KBTBD2: variants seen among roughly 807,000 people sequenced by gnomAD.
KBTBD2 encodes the protein kelch repeat and BTB domain containing 2.
In KBTBD2, 17 loss-of-function variants were observed where a neutral mutation model predicts 57.1. The ratio of observed to expected loss-of-function variants is 0.30; its 90% CI spans 0.20 to 0.45. The LOEUF (loss-of-function observed/expected upper bound fraction) is 0.45. Ranked by LOEUF, KBTBD2 falls within the 20% of genes least tolerant of loss-of-function variation. KBTBD2 has a pLI of 1.00. For synonymous variants in KBTBD2, 267 were observed against 262.7 expected, an observed-to-expected ratio of 1.02 and a Z score of -0.16; for missense variants, 515 against 750.6, an observed-to-expected ratio of 0.69 and a Z score of 3.67.
At chr7:32,886,056 G>A (rs113614936) in intron 1 of KBTBD2, among the ~76,000 whole-genome samples, 3 of 151,850 alleles carry the variant, frequency 2.0e-5, no homozygotes, top group Admixed American at 6.6e-5. Flanking sequence ...TTACAGGCAC[G>A]CACCACCATG....
intron 2 of KBTBD2, 75 bp from the exon 3 acceptor site, chr7:32,875,232 GA>G: frequency 7.8e-7 from 1 of 1,283,984 alleles, no homozygotes; most frequent in Non-Finnish European, 1.1e-6. Flanking sequence ...AGAACAATTA[GA>G]CAATAAGAGG....
intron 2 of KBTBD2, 141 bp downstream of exon 2, chr7:32,879,294 G>C (rs1411781531): frequency 5.1e-6 from 3 of 591,730 alleles, no homozygotes; most frequent in Non-Finnish European, 8.8e-6. Flanking sequence ...TCTTACACAT[G>C]CAAGAATGAG....
intron 2 of KBTBD2, among the ~76,000 whole-genome samples, chr7:32,877,140 T>A (rs1276900652): frequency 6.6e-6 from 1 of 151,588 alleles, no homozygotes; most frequent in Non-Finnish European, 1.5e-5. Context: ...TACTTCAGCA[T>A]CCCGAGTAGC....
chr7:32,875,028 A>G lies in KBTBD2; in HGVS notation c.300T>C (p.Thr100=), dbSNP rs1349299721. 1 of 1,614,076 alleles carries G rather than the reference A, an allele frequency of 6.2e-7. No individual in the cohort carries two copies. Among genetic ancestry groups the G allele is most frequent in the Non-Finnish European group, 8.5e-7 (1 of 1,180,004 alleles). The change falls in exon 3 of 4, where the codon ACT becomes ACC. Residue 100 remains threonine (T), a synonymous_variant. Transcript: ENST00000304056. ...AAGCTGTTTCATAAAGCTGTTCTAC[A>G]GTGCTGTCATTCATTGCCAAGTTAC... The part of the protein sequence containing the change: ...YTGNLAMNDS[T]VEQLYETACF...
rs762100375 is a variant in KBTBD2, at chr7:32,881,213, C to CA, written c.-338-1272dup. 3.6e-4 allele frequency among the ~76,000 whole-genome samples: 54 copies of CA among 148,382 alleles called. 1 individual carries two copies. The highest frequency in any genetic ancestry group is 1.3e-3 in the African/African-American group (52 of 40,280). On this transcript the variant is annotated intron_variant, in intron 1 of 3. Coordinates refer to ENST00000304056, the MANE Select transcript of KBTBD2 (RefSeq NM_015483.3). ...GGAAGTGGCTAACTGCTCAAGGGGG[C>CA]AAAAAAACCTAGGCTTTAGTCATAC... is the stretch of plus-strand genomic sequence containing the variant.
At chr7:32,888,120 A>C (rs182534022) in intron 1 of KBTBD2, among the ~76,000 whole-genome samples, 2 of 152,350 alleles carry the variant, frequency 1.3e-5, no homozygotes, top group East Asian at 3.9e-4. Context: ...ACATAAGAGA[A>C]ATCCAATGTT....
At chr7:32,886,439 C>T (rs1784583852) in intron 1 of KBTBD2, among the ~76,000 whole-genome samples, 1 of 152,202 alleles carries the variant, frequency 6.6e-6, no homozygotes, top group African/African-American at 2.4e-5. Flanking sequence ...TAGCAATCGA[C>T]AGTAACATAT....
At chr7:32,891,905 C>CCCGCCG (rs1302201471), upstream of KBTBD2, 3 of 140,254 alleles carry the variant, frequency 2.1e-5, no homozygotes, top group Non-Finnish European at 4.8e-5. Flanking sequence ...CGCCCCCGCC[C>CCCGCCG]CCGCCGCGCG....
intron 2 of KBTBD2, among the ~76,000 whole-genome samples, chr7:32,877,149 G>C (rs1453677299): frequency 6.7e-6 from 1 of 150,210 alleles, no homozygotes; most frequent in African/African-American, 2.5e-5. Flanking sequence ...ATCCCGAGTA[G>C]CTGGGATTAC....
chr7:32,869,390 T>G lies in KBTBD2; in HGVS notation c.1827A>C (p.Glu609Asp), dbSNP rs1286213166. ...PTYLFSTDGTEEFELDGEMVA... is the reference protein window; with the variant it reads ...PTYLFSTDGTDEFELDGEMVA... The stretch of plus-strand genomic sequence containing the variant: ...CCATTTCTCCATCCAGTTCAAACTC[T>G]TCTGTCCCATCCGTTGAAAAAAGAT... Residue 609 changes from glutamate (E) to aspartate (D), a missense_variant, in exon 4 of 4, where the codon GAA (glutamate) becomes GAC (aspartate). By Grantham distance (45) the Glu-to-Asp change is conservative. Coordinates refer to ENST00000304056, the MANE Select transcript of KBTBD2 (RefSeq NM_015483.3). The G allele has an allele frequency of 6.2e-7, 1 of 1,613,974 alleles. No homozygotes were observed. The highest frequency in any genetic ancestry group is 1.7e-5 in the Admixed American group (1 of 60,012).
chr7:32,885,383 T>C (rs1784552217), intron 1 of KBTBD2, among the ~76,000 whole-genome samples: 1 of 151,470 alleles, frequency 6.6e-6, no homozygotes. Flanking sequence ...ATCTTTTACC[T>C]AGTCACACAA....
chr7:32,880,336 A>G (rs1476174068), intron 1 of KBTBD2, among the ~76,000 whole-genome samples: 9 of 152,140 alleles, frequency 5.9e-5, no homozygotes, highest in Admixed American at 5.9e-4. Flanking sequence ...AAAAACAAAA[A>G]ACCTGCTCTC....
chr7:32,879,893 G>A lies in KBTBD2; in HGVS notation c.-289C>T, dbSNP rs1784405773. ...TCATGAGTGAAAGAGAAAAATACAC[G>A]AGGTAGATTTTGTGGCAACATCCTA... On this transcript the variant is annotated 5_prime_UTR_variant, in exon 2 of 4. Transcript: ENST00000304056. The A allele has an allele frequency of 3.3e-6, 1 of 298,976 alleles. No individual in the cohort carries two copies. Among genetic ancestry groups the A allele is most frequent in the African/African-American group, 2.2e-5 (1 of 44,928 alleles). 18.5% of individuals were successfully genotyped at this position (298,976 alleles called of 1,614,324 possible).
intron 3 of KBTBD2, among the ~76,000 whole-genome samples, chr7:32,874,010 C>T (rs1464312075): frequency 2.0e-5 from 3 of 152,064 alleles, no homozygotes; most frequent in Non-Finnish European, 4.4e-5. Context: ...TACCTGTAAT[C>T]CCAGGGCTTT....
intron 2 of KBTBD2, among the ~76,000 whole-genome samples, chr7:32,878,440 C>T (rs941754376): frequency 4.6e-5 from 7 of 151,884 alleles, no homozygotes; most frequent in African/African-American, 1.2e-4. Flanking sequence ...TTAGCCCAGG[C>T]GTGGTGGTGC....
chr7:32,872,304 G>T (rs1365788223), intron 3 of KBTBD2, among the ~76,000 whole-genome samples: 1 of 152,190 alleles, frequency 6.6e-6, no homozygotes, highest in Non-Finnish European at 1.5e-5. Flanking sequence ...GGAATTACTA[G>T]TGCACCAGCA....
Position 32,870,192 on chromosome 7 carries a change from G to A in KBTBD2, c.1025C>T (p.Thr342Ile). The change falls in exon 4 of 4, where the codon ACT becomes ATT. Residue 342 changes from threonine to isoleucine, a missense_variant. Coordinates refer to ENST00000304056, the MANE Select transcript of KBTBD2 (RefSeq NM_015483.3). Reference protein sequence around the residue: ...TNHSKTSKLQTAFRTVNCFYW... With the variant: ...TNHSKTSKLQIAFRTVNCFYW... ...AAAGCAATTCACAGTTCTGAAGGCA[G>A]TCTGAAGTTTGCTTGTTTTACTGTG... is the stretch of plus-strand genomic sequence containing the variant. 6.2e-7 allele frequency: 1 copy of A among 1,614,198 alleles called. No individual in the cohort carries two copies. The highest frequency in any genetic ancestry group is 1.1e-5 in the South Asian group (1 of 91,088).
chr7:32,878,652 T>TAATATTTGTAGTAGAAATA, intron 2 of KBTBD2, among the ~76,000 whole-genome samples: 1 of 152,296 alleles, frequency 6.6e-6, no homozygotes. Context: ...TTATGTCTGT[T>TAATATTTGTAGTAGAAATA]AATATTTGTA....
chr7:32,887,696 G>A (rs768487420), intron 1 of KBTBD2, among the ~76,000 whole-genome samples: 5 of 152,180 alleles, frequency 3.3e-5, no homozygotes, highest in Non-Finnish European at 7.3e-5. Flanking sequence ...AAAAATTTTT[G>A]TTGGAAAAGA....
Sources: gnomAD v4.1 joint callset for allele counts (sites outside exome capture counted in the v4.1 genomes callset) on GRCh38, gnomAD v4.1.1 for gene constraint, MANE v1.5 for transcripts, NCBI Gene and HGNC (gene_info 2026-07-23, HGNC 2026-07-21) for gene names.